The following MAP7 variants were observed in gnomAD, a reference collection of about 807,000 sequenced individuals.
The protein encoded by MAP7 is ensconsin.
A neutral mutation model predicts 94.8 loss-of-function variants in MAP7; 52 were observed. The ratio of observed to expected loss-of-function variants is 0.55; its 90% CI spans 0.44 to 0.69. The LOEUF (loss-of-function observed/expected upper bound fraction) is 0.69, where lower values mean the gene tolerates loss of function less well. Among genes scored for constraint, MAP7 ranks in the 30% least tolerant of loss-of-function variants. The pLI is 0.00. For synonymous variants in MAP7, 350 were observed against 357.0 expected, an observed-to-expected ratio of 0.98 and a Z score of 0.22; for missense variants, 940 against 964.6, an observed-to-expected ratio of 0.97 and a Z score of 0.34.
intron 1 of MAP7, among the ~76,000 whole-genome samples, chr6:136,513,932 C>G (rs1315533501): frequency 6.6e-6 from 1 of 152,124 alleles, no homozygotes; most frequent in Non-Finnish European, 1.5e-5. Flanking sequence ...CCCAGTCTGC[C>G]ACCACTGGAC....
In MAP7 at chr6:136,420,052, T is replaced by C; in HGVS notation, c.166+1649A>G. On this transcript the variant is annotated intron_variant, in intron 2 of 17. Coordinates refer to ENST00000354570, the MANE Select transcript of MAP7 (RefSeq NM_003980.6). ...ATGCTGATAAACTTCCAAAGCCTTCTGAGCTCGATTAATTACAATGGAGGG... is the reference window on the plus strand; with the variant it reads ...ATGCTGATAAACTTCCAAAGCCTTCCGAGCTCGATTAATTACAATGGAGGG... The C allele has an allele frequency of 3.5e-6, 3 of 854,716 alleles. 1 individual carries two copies. Among genetic ancestry groups the C allele is most frequent in the Non-Finnish European group, 6.1e-6 (3 of 493,654 alleles). The allele number at this position is 854,716 out of a possible 1,614,324, so 52.9% of individuals were successfully genotyped here.
chr6:136,478,557 C>A (rs1036174460), intron 1 of MAP7, among the ~76,000 whole-genome samples: 3 of 151,670 alleles, frequency 2.0e-5, no homozygotes, highest in Non-Finnish European at 4.4e-5. Flanking sequence ...AAAACATTAG[C>A]CAGAACAACT....
intron 3 of MAP7, among the ~76,000 whole-genome samples, chr6:136,394,971 T>TATATATATATATATAA (rs56352511): frequency 2.3e-5 from 3 of 128,642 alleles, no homozygotes; most frequent in Admixed American, 7.8e-5. Flanking sequence ...TATATATATA[T>TATATATATATATATAA]CACATTTTCC....
At chr6:136,416,146 G>A (rs1244659160) in intron 2 of MAP7, among the ~76,000 whole-genome samples, 5 of 152,204 alleles carry the variant, frequency 3.3e-5, no homozygotes, top group African/African-American at 7.2e-5. Context: ...TCAATTCCTC[G>A]GGCTGTATGT....
At chr6:136,417,894 T>C (rs1248168922) in intron 2 of MAP7, among the ~76,000 whole-genome samples, 5 of 152,184 alleles carry the variant, frequency 3.3e-5, no homozygotes, top group Admixed American at 6.5e-5. Flanking sequence ...AGACTTGTGT[T>C]GGGGGGCAGC....
intron 1 of MAP7, among the ~76,000 whole-genome samples, chr6:136,439,500 A>T (rs1797256714): frequency 6.6e-6 from 1 of 152,174 alleles, no homozygotes; most frequent in African/African-American, 2.4e-5. Context: ...GGTCTAAGAC[A>T]ATACCTAAAA....
chr6:136,535,733 T>A (rs965278241), intron 1 of MAP7, among the ~76,000 whole-genome samples: 1 of 151,484 alleles, frequency 6.6e-6, no homozygotes, highest in Admixed American at 6.6e-5. Flanking sequence ...TTAGTATTTG[T>A]CATCTTTTTT....
At chr6:136,451,483 A>C (rs1221593017) in intron 1 of MAP7, among the ~76,000 whole-genome samples, 1 of 152,210 alleles carries the variant, frequency 6.6e-6, no homozygotes, top group Non-Finnish European at 1.5e-5. Flanking sequence ...CAGGTCATCC[A>C]AGTGATCTGA....
At chr6:136,371,646 A>C (rs1774534525) in intron 8 of MAP7, among the ~76,000 whole-genome samples, 1 of 152,258 alleles carries the variant, frequency 6.6e-6, no homozygotes, top group Admixed American at 6.5e-5. Context: ...TCAGCCTTTC[A>C]TCAAAAGGGT....
At chr6:136,515,578 A>G (rs1409607304) in intron 1 of MAP7, among the ~76,000 whole-genome samples, 1 of 152,216 alleles carries the variant, frequency 6.6e-6, no homozygotes, top group Non-Finnish European at 1.5e-5. Flanking sequence ...TTATTAGTTA[A>G]CTTCATTTCA....
At chr6:136,500,098 A>G (rs987780314) in intron 1 of MAP7, among the ~76,000 whole-genome samples, 1 of 151,204 alleles carries the variant, frequency 6.6e-6, no homozygotes, top group Admixed American at 6.6e-5. Context: ...GATTCTGAGC[A>G]AGTTACTTAA....
intron 1 of MAP7, among the ~76,000 whole-genome samples, chr6:136,448,140 C>G (rs536857713): frequency 6.6e-6 from 1 of 151,964 alleles, no homozygotes; most frequent in African/African-American, 2.4e-5. Flanking sequence ...TGCAGTGAGC[C>G]GAGATCACGC....
intron 1 of MAP7, among the ~76,000 whole-genome samples, chr6:136,503,406 A>C (rs953028505): frequency 6.7e-6 from 1 of 148,976 alleles, no homozygotes; most frequent in Non-Finnish European, 1.5e-5. Context: ...GGGGGAAAAA[A>C]AAAGGGGGGT....
intron 2 of MAP7, among the ~76,000 whole-genome samples, chr6:136,413,116 C>T (rs1036010784): frequency 2.1e-4 from 32 of 152,078 alleles, no homozygotes; most frequent in Admixed American, 3.9e-4. Flanking sequence ...GAGCCAAGAT[C>T]GCGCCATTGC....
chr6:136,456,618 T>C lies in MAP7; in HGVS notation c.68-34819A>G, dbSNP rs539114027. On this transcript the variant is annotated intron_variant, in intron 1 of 17. Coordinates refer to ENST00000354570, the MANE Select transcript of MAP7 (RefSeq NM_003980.6). ...TCCCAGGAGATCAAGGCTGCAGTGG[T>C]CCATGATTATGCTATAGCATTTCGG... Among the ~76,000 whole-genome samples the C allele has an allele frequency of 4.6e-5, 7 of 151,338 alleles. No individual in the cohort carries two copies. In the South Asian group the frequency reaches 1.0e-3, roughly 23 times the overall value.
rs1231550525 is a variant in MAP7, at chr6:136,362,457, G to C, written c.1519C>G (p.Leu507Val). Residue 507 changes from leucine (L) to valine (V), a missense_variant, in exon 11 of 18, where the codon CTT (leucine) becomes GTT (valine). Coordinates refer to ENST00000354570, the MANE Select transcript of MAP7 (RefSeq NM_003980.6). ...GCAATGTCTCCCATTTACCTTTCAA[G>C]CTCTTCCTGCTCCCTCCTCTCCCTT... ...EERERREQEELERQKREELAQ... is the reference protein window; with the variant it reads ...EERERREQEEVERQKREELAQ... 6.2e-7 allele frequency: 1 copy of C among 1,613,822 alleles called. No homozygotes were observed. The highest frequency in any genetic ancestry group is 1.1e-5 in the South Asian group (1 of 91,024).
chr6:136,519,917 G>C (rs1346339816), intron 1 of MAP7, among the ~76,000 whole-genome samples: 2 of 151,940 alleles, frequency 1.3e-5, no homozygotes, highest in African/African-American at 4.8e-5. Context: ...AACAAAACAG[G>C]GCTGGGTGCA....
intron 1 of MAP7, among the ~76,000 whole-genome samples, chr6:136,485,623 C>T (rs1476218815): frequency 7.8e-6 from 1 of 128,852 alleles, no homozygotes; most frequent in Non-Finnish European, 1.5e-5. Context: ...AGTGCAGTGG[C>T]GGGATCTCGG....
At chr6:136,477,874 TG>T (rs1176433986) in intron 1 of MAP7, among the ~76,000 whole-genome samples, 1 of 152,228 alleles carries the variant, frequency 6.6e-6, no homozygotes, top group East Asian at 1.9e-4. Context: ...CCTCAGCACA[TG>T]GATCATTCTC....
Sources: allele counts gnomAD v4.1 joint callset (sites outside exome capture counted in the v4.1 genomes callset), GRCh38; gene constraint gnomAD v4.1.1; transcripts MANE v1.5; gene names NCBI Gene and HGNC (gene_info 2026-07-23, HGNC 2026-07-21).